KCNH7: variants seen among roughly 807,000 people sequenced by gnomAD.
The protein encoded by KCNH7 is voltage-gated inwardly rectifying potassium channel KCNH7.
A neutral mutation model predicts 120.8 loss-of-function variants in KCNH7; 49 were observed. That is an observed-to-expected ratio of 0.41 (90% CI 0.32 to 0.51). KCNH7 has a LOEUF of 0.51. Ranked by LOEUF, KCNH7 falls within the 20% of genes least tolerant of loss-of-function variation. The pLI, the probability that KCNH7 is intolerant of heterozygous loss-of-function variation, is 0.38. For synonymous variants in KCNH7, 547 were observed against 516.1 expected (o/e 1.06, Z -0.81); for missense variants, 1,097 against 1,446.6 (o/e 0.76, Z 3.92).
At chr2:162,553,328 C>T (rs1692744299) in intron 2 of KCNH7, among the ~76,000 whole-genome samples, 1 of 152,168 alleles carries the variant, frequency 6.6e-6, no homozygotes, top group African/African-American at 2.4e-5. Flanking sequence ...CCACAGGGGG[C>T]ACTTTCATCA....
At chr2:162,724,588 C>T (rs1574309741) in intron 2 of KCNH7, among the ~76,000 whole-genome samples, 2 of 147,854 alleles carry the variant, frequency 1.4e-5, no homozygotes, top group African/African-American at 5.1e-5. Context: ...AGGAGAATGG[C>T]GTGAACCCGG....
intron 12 of KCNH7, among the ~76,000 whole-genome samples, chr2:162,385,473 T>C (rs1686545747): frequency 6.6e-6 from 1 of 151,914 alleles, no homozygotes; most frequent in Non-Finnish European, 1.5e-5. Flanking sequence ...TCCAGGCAGT[T>C]TGGTTGTGTA....
intron 2 of KCNH7, among the ~76,000 whole-genome samples, chr2:162,835,832 C>T (rs968778023): frequency 6.7e-6 from 1 of 149,384 alleles, no homozygotes; most frequent in African/African-American, 2.4e-5. Flanking sequence ...GGAGGTGTTG[C>T]CCTCGAAGTT....
chr2:162,420,522 T>G (rs7588788), intron 9 of KCNH7, among the ~76,000 whole-genome samples: 12,608 of 152,252 alleles, frequency 0.083, 1,674 homozygotes, highest in African/African-American at 0.28. Context: ...CCCACAGTGC[T>G]TTAAGTTTTG....
chr2:162,639,029 G>A lies in KCNH7; in HGVS notation c.308-101949C>T, dbSNP rs185497904. 1.5e-4 allele frequency among the ~76,000 whole-genome samples: 23 copies of A among 152,090 alleles called. No homozygotes were observed. The East Asian group carries it at 2.9e-3, about 19-fold the overall frequency. On this transcript the variant is annotated intron_variant, in intron 2 of 15. Coordinates refer to ENST00000332142, the MANE Select transcript of KCNH7 (RefSeq NM_033272.4). The stretch of plus-strand genomic sequence containing the variant: ...TGTAGGATGCCTAGCACAATCCTTG[G>A]CCTCTGCCTATTAGATACTAATAGC...
intron 2 of KCNH7, among the ~76,000 whole-genome samples, chr2:162,804,835 T>C (rs1222945460): frequency 6.6e-6 from 1 of 150,828 alleles, no homozygotes; most frequent in Non-Finnish European, 1.5e-5. Context: ...AGCACCTCAT[T>C]ACTGGACTTC....
At chr2:162,397,596 G>A (rs1331088008) in intron 10 of KCNH7, among the ~76,000 whole-genome samples, 1 of 151,750 alleles carries the variant, frequency 6.6e-6, no homozygotes, top group Non-Finnish European at 1.5e-5. Context: ...TTATTTCAGT[G>A]TCTCGCTTCT....
chr2:162,581,653 G>A (rs1199846412), intron 2 of KCNH7, among the ~76,000 whole-genome samples: 1 of 151,784 alleles, frequency 6.6e-6, no homozygotes, highest in Non-Finnish European at 1.5e-5. Context: ...AGATGCAAAC[G>A]TTTTTATATA....
At chr2:162,413,576 C>T (rs572550209) in intron 9 of KCNH7, among the ~76,000 whole-genome samples, 68 of 152,158 alleles carry the variant, frequency 4.5e-4, no homozygotes, top group Non-Finnish European at 6.6e-4. Context: ...AATTCTACCA[C>T]GACTATTTTC....
intron 2 of KCNH7, among the ~76,000 whole-genome samples, chr2:162,650,772 G>A (rs1684537493): frequency 6.6e-6 from 1 of 152,146 alleles, no homozygotes; most frequent in Non-Finnish European, 1.5e-5. Flanking sequence ...CAAGGGTTGT[G>A]TATGCTTTTG....
At chr2:162,497,345 G>A (rs745538527) in intron 6 of KCNH7, among the ~76,000 whole-genome samples, 1 of 152,004 alleles carries the variant, frequency 6.6e-6, no homozygotes, top group Non-Finnish European at 1.5e-5. Flanking sequence ...TGCAGCATAC[G>A]ACCAACAAAA....
intron 2 of KCNH7, among the ~76,000 whole-genome samples, chr2:162,775,213 T>A (rs1483404249): frequency 1.3e-5 from 2 of 152,188 alleles, no homozygotes; most frequent in African/African-American, 4.8e-5. Context: ...AAAAAAATTA[T>A]CTGATTGTGT....
chr2:162,605,451 T>C (rs1328399684), intron 2 of KCNH7, among the ~76,000 whole-genome samples: 1 of 152,108 alleles, frequency 6.6e-6, no homozygotes, highest in Non-Finnish European at 1.5e-5. Flanking sequence ...TTGTTAAATC[T>C]GATTAGGATT....
chr2:162,836,854 C>T, intron 1 of KCNH7, 87 bp from the exon 2 acceptor site: 1 of 907,750 alleles, frequency 1.1e-6, no homozygotes, highest in Non-Finnish European at 1.7e-6. Flanking sequence ...ATAATAAGAG[C>T]TCTGAAATGC....
chr2:162,706,198 GACTT>G (rs973352372), intron 2 of KCNH7, among the ~76,000 whole-genome samples: 1 of 152,084 alleles, frequency 6.6e-6, no homozygotes, highest in Non-Finnish European at 1.5e-5. Flanking sequence ...AAACCTTGGA[GACTT>G]ACTTAAAGTT....
chr2:162,734,360 T>C (rs1030151833), intron 2 of KCNH7, among the ~76,000 whole-genome samples: 2 of 152,210 alleles, frequency 1.3e-5, no homozygotes, highest in African/African-American at 2.4e-5. Flanking sequence ...TTTTAGATTA[T>C]GACCTTTTTA....
Position 162,390,991 on chromosome 2 carries a change from AG to A in KCNH7, c.2710+3397del, listed in dbSNP as rs1254153297. 2.6e-5 allele frequency among the ~76,000 whole-genome samples: 4 copies of A among 151,992 alleles called. No homozygotes were observed. The East Asian group carries it at 7.8e-4, about 30-fold the overall frequency. On this transcript the variant is annotated intron_variant, in intron 12 of 15. Coordinates refer to ENST00000332142, the MANE Select transcript of KCNH7 (RefSeq NM_033272.4). ...AATTGGAAGCGGAGTGGCAGGCGGC[AG>A]GTGTGGATCAAAGCCGGCAAATTTG...
At chr2:162,546,645 G>A (rs987196792) in intron 2 of KCNH7, among the ~76,000 whole-genome samples, 9 of 152,106 alleles carry the variant, frequency 5.9e-5, no homozygotes, top group South Asian at 2.1e-4. Flanking sequence ...TATGACTGTC[G>A]AAAGGAACCA....
intron 6 of KCNH7, among the ~76,000 whole-genome samples, chr2:162,492,334 T>C (rs1690337610): frequency 6.6e-6 from 1 of 152,210 alleles, no homozygotes. Flanking sequence ...AATTGGTCAG[T>C]AACAAACTTT....
Sources: allele counts gnomAD v4.1 joint callset (sites outside exome capture counted in the v4.1 genomes callset), GRCh38; gene constraint gnomAD v4.1.1; transcripts MANE v1.5; gene names NCBI Gene and HGNC (gene_info 2026-07-23, HGNC 2026-07-21).